Variants in ATP6V0A1 observed in about 807,000 individuals in gnomAD.
ATP6V0A1 encodes V-type proton ATPase 116 kDa subunit a 1.
A neutral mutation model predicts 105.4 loss-of-function variants in ATP6V0A1; 43 were observed. The observed-to-expected ratio is 0.41, with a 90% CI of 0.32 to 0.53. The LOEUF is 0.53. Among genes scored for constraint, ATP6V0A1 ranks in the 20% least tolerant of loss-of-function variants. The pLI is 0.30. For synonymous variants in ATP6V0A1, 362 were observed against 372.8 expected (o/e 0.97, Z 0.33); for missense variants, 676 against 1,051.1 (o/e 0.64, Z 4.93).
Position 42,506,488 on chromosome 17 carries a change from G to A in ATP6V0A1, c.2005-1032G>A, listed in dbSNP as rs577640362. Among the ~76,000 whole-genome samples the A allele has an allele frequency of 1.8e-3, 268 of 152,312 alleles. 1 individual carries two copies. Among genetic ancestry groups the A allele is most frequent in the African/African-American group, 6.3e-3 (260 of 41,572 alleles). On this transcript the variant is annotated intron_variant, in intron 17 of 21. Transcript: ENST00000343619. Reference sequence around the variant, plus strand: ...GGAGGTGGAGCTGAGGATGAGGAGCGCAGGGCAGCTGCGCAGGCCTCCTGC... The same window carrying A: ...GGAGGTGGAGCTGAGGATGAGGAGCACAGGGCAGCTGCGCAGGCCTCCTGC...
At chr17:42,515,468 C>CAAA (rs34612473) in intron 21 of ATP6V0A1, among the ~76,000 whole-genome samples, 2 of 85,500 alleles carry the variant, frequency 2.3e-5, no homozygotes. Flanking sequence ...GACTCTGTCT[C>CAAA]AAAAAAAAAA....
chr17:42,515,130 G>A (rs2092554540), intron 21 of ATP6V0A1, among the ~76,000 whole-genome samples: 1 of 152,056 alleles, frequency 6.6e-6, no homozygotes, highest in Non-Finnish European at 1.5e-5. Flanking sequence ...GTGTGGTCTG[G>A]GCTGTGACCA....
At position 42,470,234 on chromosome 17, in the gene ATP6V0A1, C is replaced by G. The variant is rs1161332915; in HGVS notation, c.423+16C>G. 1.2e-6 allele frequency: 2 copies of G among 1,611,064 alleles called. No homozygotes were observed. Among genetic ancestry groups the G allele is most frequent in the African/African-American group, 2.7e-5 (2 of 74,932 alleles). On this transcript the variant is annotated intron_variant, in intron 5 of 21. Coordinates refer to ENST00000343619, the MANE Select transcript of ATP6V0A1 (RefSeq NM_001130021.3). ...TTTTGATGAGGTCAGACTATTGTTT[C>G]TTTTAGTATTTGAGCAGCTGATATT...
intron 21 of ATP6V0A1, chr17:42,520,718 G>A (rs2092808713): frequency 4.7e-6 from 2 of 423,600 alleles, no homozygotes; most frequent in South Asian, 3.6e-5. Flanking sequence ...GTTCATTAAC[G>A]ATGTTAGGCT....
chr17:42,470,046 A>G (rs1327399188), intron 4 of ATP6V0A1, 44 bp from the exon 5 acceptor site: 1 of 1,526,070 alleles, frequency 6.6e-7, no homozygotes. Flanking sequence ...CTTTCAGAGC[A>G]AACATATTGA....
intron 8 of ATP6V0A1, among the ~76,000 whole-genome samples, chr17:42,482,369 A>T (rs1383068706): frequency 6.7e-6 from 1 of 150,166 alleles, no homozygotes; most frequent in Non-Finnish European, 1.5e-5. Flanking sequence ...CTGGTCTTAA[A>T]CTCCTAGACT....
At position 42,480,871 on chromosome 17, in the gene ATP6V0A1, A is replaced by G. The variant is rs1477573396; in HGVS notation, c.716+122A>G. ...TACCTCAACACAGTTAATTTTAATA[A>G]TGTTAGGGGCTATTTTAATCAATTA... On this transcript the variant is annotated intron_variant, in intron 8 of 21. Coordinates refer to ENST00000343619, the MANE Select transcript of ATP6V0A1 (RefSeq NM_001130021.3). 3 of 795,576 alleles carry G rather than the reference A, an allele frequency of 3.8e-6. No individual in the cohort carries two copies. The African/African-American group carries it at 5.4e-5, about 14-fold the overall frequency. The allele number at this position is 795,576 out of a possible 1,614,324, so 49.3% of individuals were successfully genotyped here.
intron 21 of ATP6V0A1, chr17:42,518,307 C>T (rs370357813): frequency 6.6e-6 from 1 of 152,252 alleles, no homozygotes; most frequent in Non-Finnish European, 1.5e-5. Context: ...CGGGGACCAG[C>T]TTCTTGTTAG....
Position 42,513,781 on chromosome 17 carries a change from C to T in ATP6V0A1, c.2131-80C>T, listed in dbSNP as rs1424347488. 2.6e-5 allele frequency: 36 copies of T among 1,368,626 alleles called. No individual in the cohort carries two copies. In the East Asian group the frequency reaches 2.8e-4, roughly 11 times the overall value. 84.8% of individuals were successfully genotyped at this position (1,368,626 alleles called of 1,614,324 possible). A position where few individuals can be genotyped will look rare whatever the true frequency, so the allele number is the denominator to read the frequency against. ...CCCCTGCCCTGGCCCAGGTTCAAAG[C>T]GCCAAGTAGCCACAACTCAGAATGC... On this transcript the variant is annotated intron_variant, in intron 19 of 21. Coordinates refer to ENST00000343619, the MANE Select transcript of ATP6V0A1 (RefSeq NM_001130021.3).
chr17:42,460,851 G>T lies in ATP6V0A1; in HGVS notation c.-44G>T. On this transcript the variant is annotated 5_prime_UTR_variant, in exon 2 of 22. Coordinates refer to ENST00000343619, the MANE Select transcript of ATP6V0A1 (RefSeq NM_001130021.3). ...TGTCATTTTCTCTTTGCTTCAGGTT[G>T]GAGAGAAATCCAGGTACTCACTAGA... The T allele has an allele frequency of 6.8e-7, 1 of 1,479,630 alleles. No individual in the cohort carries two copies. Among genetic ancestry groups the T allele is most frequent in the Non-Finnish European group, 9.4e-7 (1 of 1,059,210 alleles). The allele number at this position is 1,479,630 out of a possible 1,614,324, so 91.7% of individuals were successfully genotyped here.
Position 42,480,661 on chromosome 17 carries a change from G to T in ATP6V0A1, c.634-6G>T, listed in dbSNP as rs774107419. 6.2e-6 allele frequency: 10 copies of T among 1,606,666 alleles called. No homozygotes were observed. The highest frequency in any genetic ancestry group is 1.1e-5 in the South Asian group (1 of 89,420). ...TGAACTCTTGTTTTTTTATTCTGGG[G>T]CCTAGGGCGACTACGTGCACAAGTC... On this transcript the variant is annotated splice_polypyrimidine_tract_variant and splice_region_variant and intron_variant, in intron 7 of 21. Coordinates refer to ENST00000343619, the MANE Select transcript of ATP6V0A1 (RefSeq NM_001130021.3).
intron 17 of ATP6V0A1, among the ~76,000 whole-genome samples, chr17:42,505,249 A>C (rs1300521752): frequency 6.7e-6 from 1 of 150,320 alleles, no homozygotes; most frequent in Non-Finnish European, 1.5e-5. Flanking sequence ...CCTGTCGCCC[A>C]GGCTAGAGTG....
chr17:42,470,443 A>G (rs988909566), intron 5 of ATP6V0A1: 11 of 440,374 alleles, frequency 2.5e-5, no homozygotes, highest in East Asian at 4.7e-5. Flanking sequence ...TTTCATCTCA[A>G]TATGAGGAAA....
intron 11 of ATP6V0A1, among the ~76,000 whole-genome samples, chr17:42,491,682 C>G (rs555913272): frequency 1.3e-5 from 2 of 151,996 alleles, no homozygotes; most frequent in African/African-American, 4.8e-5. Context: ...GGGGTTTCAC[C>G]ATGTTGCCCA....
Position 42,487,376 on chromosome 17 carries a change from C to G in ATP6V0A1, c.1023+9C>G. ...CACTCAGAAGGGGCACGGTGAGTCC[C>G]CAAAGCTAACAATGCAGCTCGTGGC... On this transcript the variant is annotated intron_variant, in intron 10 of 21. Coordinates refer to ENST00000343619, the MANE Select transcript of ATP6V0A1 (RefSeq NM_001130021.3). The G allele has an allele frequency of 6.2e-7, 1 of 1,612,406 alleles. No homozygotes were observed. The highest frequency in any genetic ancestry group is 8.5e-7 in the Non-Finnish European group (1 of 1,179,138).
At chr17:42,480,104 A>G (rs1196010176) in intron 7 of ATP6V0A1, among the ~76,000 whole-genome samples, 2 of 152,080 alleles carry the variant, frequency 1.3e-5, no homozygotes. Flanking sequence ...CACACCATAC[A>G]CCTTTTTTTC....
chr17:42,492,081 C>T (rs1490252509), intron 11 of ATP6V0A1, among the ~76,000 whole-genome samples: 1 of 152,082 alleles, frequency 6.6e-6, no homozygotes, highest in Non-Finnish European at 1.5e-5. Context: ...AAGAGGTGCT[C>T]ATTCTGGCAG....
intron 15 of ATP6V0A1, 85 bp downstream of exon 15, chr17:42,499,127 G>C: frequency 2.0e-6 from 2 of 1,013,540 alleles, no homozygotes; most frequent in Non-Finnish European, 3.0e-6. Context: ...TTTGGGGAGG[G>C]ATTAATAACT....
chr17:42,484,127 G>A (rs1216517163), intron 9 of ATP6V0A1, among the ~76,000 whole-genome samples: 2 of 151,946 alleles, frequency 1.3e-5, no homozygotes, highest in Non-Finnish European at 2.9e-5. Flanking sequence ...GCGCGATCTC[G>A]GCTCACTGCA....
Sources: allele counts gnomAD v4.1 joint callset (sites outside exome capture counted in the v4.1 genomes callset), GRCh38; gene constraint gnomAD v4.1.1; transcripts MANE v1.5; gene names NCBI Gene and HGNC (gene_info 2026-07-23, HGNC 2026-07-21).